The following NIBAN1 variants were observed in gnomAD, a reference collection of about 807,000 sequenced individuals.
NIBAN1 encodes the protein protein Niban 1.
In NIBAN1, 81 loss-of-function variants were observed where a neutral mutation model predicts 75.1. The observed-to-expected ratio is 1.08, with a 90% CI of 0.90 to 1.30. The LOEUF (loss-of-function observed/expected upper bound fraction) is 1.30, where lower values mean the gene tolerates loss of function less well. Among genes scored for constraint, NIBAN1 ranks in the 50% most tolerant of loss-of-function variants. The pLI is 0.00. For missense variants in NIBAN1, 1,133 were observed against 1,128.1 expected (o/e 1.00, Z -0.06); for synonymous variants, 436 against 424.8 (o/e 1.03, Z -0.32).
At chr1:184,856,413 T>A (rs1202953041) in intron 5 of NIBAN1, among the ~76,000 whole-genome samples, 1 of 152,212 alleles carries the variant, frequency 6.6e-6, no homozygotes, top group East Asian at 1.9e-4. Context: ...AAAAAATCTT[T>A]ATTTATTTAA....
In NIBAN1 at chr1:184,823,746, C is replaced by G. The variant is rs369902963; in HGVS notation, c.718-4G>C. 1 of 1,613,772 alleles carries G rather than the reference C, an allele frequency of 6.2e-7. No homozygotes were observed. Among genetic ancestry groups the G allele is most frequent in the Non-Finnish European group, 8.5e-7 (1 of 1,179,718 alleles). On this transcript the variant is annotated splice_region_variant and splice_polypyrimidine_tract_variant and intron_variant, in intron 6 of 13. Coordinates refer to ENST00000367511, the MANE Select transcript of NIBAN1 (RefSeq NM_052966.4). ...CCATCACCAGGTTACTCAGGATCTG[C>G]GCAGCAGAAGACAGCCCAGAGTCGG...
intron 1 of NIBAN1, among the ~76,000 whole-genome samples, chr1:184,906,490 C>T (rs1657109356): frequency 6.6e-6 from 1 of 151,926 alleles, no homozygotes; most frequent in Non-Finnish European, 1.5e-5. Flanking sequence ...ATTAGCCAGG[C>T]GTGGTGGCGC....
intron 1 of NIBAN1, among the ~76,000 whole-genome samples, chr1:184,899,963 T>C (rs1398825777): frequency 6.6e-6 from 1 of 152,004 alleles, no homozygotes; most frequent in Non-Finnish European, 1.5e-5. Context: ...ATTACATGTA[T>C]GTGCCACCAT....
chr1:184,809,518 T>A (rs1406213115), intron 9 of NIBAN1, among the ~76,000 whole-genome samples: 3 of 151,990 alleles, frequency 2.0e-5, no homozygotes, highest in African/African-American at 7.2e-5. Flanking sequence ...ATGGAAACAT[T>A]TTTTAACATG....
intron 1 of NIBAN1, among the ~76,000 whole-genome samples, chr1:184,949,275 A>G (rs907242839): frequency 2.3e-4 from 35 of 152,178 alleles, no homozygotes; most frequent in Non-Finnish European, 4.1e-4. Flanking sequence ...GGAGAATGGC[A>G]TGAACCCGGG....
chr1:184,803,488 G>A (rs1213715773), intron 12 of NIBAN1, 97 bp downstream of exon 12: 9 of 884,438 alleles, frequency 1.0e-5, no homozygotes, highest in East Asian at 2.4e-5. Context: ...ATCCCTCCCT[G>A]GTCTAGTCTG....
intron 1 of NIBAN1, among the ~76,000 whole-genome samples, chr1:184,909,838 TTTTA>T (rs1657195778): frequency 6.6e-6 from 1 of 152,166 alleles, no homozygotes; most frequent in Non-Finnish European, 1.5e-5. Context: ...CAGAGCCAAA[TTTTA>T]TTTATTTGGC....
chr1:184,818,009 A>G (rs1332545237), intron 9 of NIBAN1, among the ~76,000 whole-genome samples: 1 of 152,222 alleles, frequency 6.6e-6, no homozygotes, highest in African/African-American at 2.4e-5. Context: ...TTTTTTGTCT[A>G]TAAATTTGTT....
rs1195934002 is a variant in NIBAN1 at position 184,899,161 on chromosome 1, C to T, written c.186+18G>A. 2 of 1,613,080 alleles carry T rather than the reference C, an allele frequency of 1.2e-6. No homozygotes were observed. Among genetic ancestry groups the T allele is most frequent in the Admixed American group, 3.3e-5 (2 of 59,970 alleles). Reference sequence around the variant, plus strand: ...TCTTCAAGGGGAAATACATGTAAACCAAATATCCATGGCTTACCTTGGTCT... The same window carrying T: ...TCTTCAAGGGGAAATACATGTAAACTAAATATCCATGGCTTACCTTGGTCT... On this transcript the variant is annotated intron_variant, in intron 2 of 13. Transcript: ENST00000367511.
At chr1:184,861,374 T>A (rs1455988397) in intron 5 of NIBAN1, among the ~76,000 whole-genome samples, 1 of 152,186 alleles carries the variant, frequency 6.6e-6, no homozygotes, top group East Asian at 1.9e-4. Context: ...TTATTACTAG[T>A]TTGTAACTTC....
chr1:184,958,471 T>G (rs1433656923), intron 1 of NIBAN1, among the ~76,000 whole-genome samples: 1 of 152,172 alleles, frequency 6.6e-6, no homozygotes, highest in Non-Finnish European at 1.5e-5. Context: ...TTAGCTCATT[T>G]AAGGTAGCTA....
intron 1 of NIBAN1, among the ~76,000 whole-genome samples, chr1:184,944,683 G>A (rs1421552673): frequency 1.3e-5 from 2 of 152,182 alleles, no homozygotes; most frequent in Admixed American, 6.5e-5. Flanking sequence ...TTGTCATAAA[G>A]GTCTGCAGTA....
intron 11 of NIBAN1, among the ~76,000 whole-genome samples, chr1:184,804,965 T>A (rs1398214323): frequency 6.6e-6 from 1 of 152,082 alleles, no homozygotes; most frequent in African/African-American, 2.4e-5. Context: ...GTTTTTTGTA[T>A]TTTTAGTAGA....
chr1:184,882,044 G>A (rs577043388), intron 5 of NIBAN1, among the ~76,000 whole-genome samples: 4 of 152,210 alleles, frequency 2.6e-5, no homozygotes, highest in South Asian at 2.1e-4. Context: ...CCTAGGACCC[G>A]GTTCTCAACA....
intron 9 of NIBAN1, among the ~76,000 whole-genome samples, chr1:184,816,674 A>G (rs1351823752): frequency 6.6e-6 from 1 of 152,096 alleles, no homozygotes; most frequent in Non-Finnish European, 1.5e-5. Context: ...TCTCCTGTAA[A>G]TAGGATGTTC....
chr1:184,841,205 G>C (rs1378251715), intron 5 of NIBAN1, among the ~76,000 whole-genome samples: 1 of 152,048 alleles, frequency 6.6e-6, no homozygotes, highest in African/African-American at 2.4e-5. Context: ...CTGATACATA[G>C]TAGGCATGAA....
rs987705748 is a variant in NIBAN1 at position 184,791,143 on chromosome 1, G to C, written c.*3834C>G. 11 of 432,908 alleles carry C rather than the reference G, an allele frequency of 2.5e-5. No homozygotes were observed. The highest frequency in any genetic ancestry group is 4.3e-4 in the Middle Eastern group (1 of 2,316). 26.8% of individuals were successfully genotyped at this position (432,908 alleles called of 1,614,324 possible). ...TAGTGACCGGGAAAGTCAATCCACA[G>C]TGTCGATTTTTTTTCTTGAAGTTGC... is the stretch of plus-strand genomic sequence containing the variant. On this transcript the variant is annotated 3_prime_UTR_variant, in exon 14 of 14. Transcript: ENST00000367511.
chr1:184,798,751 T>C (rs1256795611), intron 12 of NIBAN1, among the ~76,000 whole-genome samples: 1 of 151,870 alleles, frequency 6.6e-6, no homozygotes, highest in East Asian at 1.9e-4. Context: ...ACCCCCAAAG[T>C]TCCCCCACCC....
intron 5 of NIBAN1, among the ~76,000 whole-genome samples, chr1:184,872,340 C>A (rs1656131292): frequency 6.6e-6 from 1 of 151,142 alleles, no homozygotes; most frequent in African/African-American, 2.4e-5. Context: ...AAGTAGAGAA[C>A]TGAATGACAG....
Sources: gnomAD v4.1 joint callset for allele counts (sites outside exome capture counted in the v4.1 genomes callset) on GRCh38, gnomAD v4.1.1 for gene constraint, MANE v1.5 for transcripts, NCBI Gene and HGNC (gene_info 2026-07-23, HGNC 2026-07-21) for gene names.